The following PHACTR2 variants were observed in gnomAD, a reference collection of about 807,000 sequenced individuals.
PHACTR2 encodes the protein phosphatase and actin regulator 2.
PHACTR2 carries 30 observed loss-of-function variants against 76.0 expected under a neutral mutation model. That is an observed-to-expected ratio of 0.39 (90% CI 0.30 to 0.54). The LOEUF (loss-of-function observed/expected upper bound fraction) is 0.54. PHACTR2 is among the 20% of genes least tolerant of loss of function. The pLI, the probability that PHACTR2 is intolerant of heterozygous loss-of-function variation, is 0.61. For missense variants in PHACTR2, 696 were observed against 781.1 expected, an observed-to-expected ratio of 0.89 and a Z score of 1.30; for synonymous variants, 292 against 292.5, an observed-to-expected ratio of 1.00 and a Z score of 0.02.
chr6:143,673,119 C>T (rs1777185403), upstream of PHACTR2, among the ~76,000 whole-genome samples: 1 of 152,186 alleles, frequency 6.6e-6, no homozygotes, highest in Non-Finnish European at 1.5e-5. Flanking sequence ...ACCTCCGCCA[C>T]AGGAGAGTCC....
chr6:143,679,108 A>G lies in PHACTR2; in HGVS notation c.46+899A>G, dbSNP rs1562267296. ...TTTGATACACTTTTTAAATTGTGCAAACATCAACAGGATCTTGCTGAAAGG... is the reference window on the plus strand; with the variant it reads ...TTTGATACACTTTTTAAATTGTGCAGACATCAACAGGATCTTGCTGAAAGG... On this transcript the variant is annotated intron_variant, in intron 1 of 12. Coordinates refer to ENST00000440869, the MANE Select transcript of PHACTR2 (RefSeq NM_001100164.2). The surrounding 1 kb of genome is among the most constrained non-coding windows in gnomAD (Gnocchi z 4.6). 2.0e-5 allele frequency among the ~76,000 whole-genome samples: 3 copies of G among 152,206 alleles called. No homozygotes were observed. The highest frequency in any genetic ancestry group is 4.4e-5 in the Non-Finnish European group (3 of 68,046).
At position 143,623,332 on chromosome 6, in the gene PHACTR2, A is replaced by G. The variant is rs1413131492; in HGVS notation, c.13+15010A>G. Among the ~76,000 whole-genome samples the G allele has an allele frequency of 6.6e-6, 1 of 152,122 alleles. No individual in the cohort carries two copies. Among genetic ancestry groups the G allele is most frequent in the East Asian group, 1.9e-4 (1 of 5,190 alleles). On this transcript the variant is annotated intron_variant, in intron 1 of 11. Transcript: ENST00000305766. This position sits in a 1 kb window ranked among gnomAD's most constrained non-coding sequence, Gnocchi z 5.9. ...AAAAAAATGTCATCATAATACCCAA[A>G]TGAAGGCCCAGGTGAGCAGATCACT...
At chr6:143,759,982 G>A in intron 4 of PHACTR2, among the ~76,000 whole-genome samples, 1 of 152,134 alleles carries the variant, frequency 6.6e-6, no homozygotes, top group African/African-American at 2.4e-5. Context: ...CCCCACAGCA[G>A]TGACTGTAAC....
At chr6:143,630,162 ATAAATG>A (rs1421206637) in intron 1 of PHACTR2, among the ~76,000 whole-genome samples, 1 of 150,956 alleles carries the variant, frequency 6.6e-6, no homozygotes, top group Non-Finnish European at 1.5e-5. Flanking sequence ...TAATATTAAG[ATAAATG>A]TTTATAAATA....
intron 2 of PHACTR2, among the ~76,000 whole-genome samples, chr6:143,746,983 A>G (rs1416552552): frequency 1.3e-5 from 2 of 152,280 alleles, no homozygotes; most frequent in East Asian, 3.9e-4. Flanking sequence ...CCTTCTGTGT[A>G]TGTCTCCTTT....
In PHACTR2 at chr6:143,679,259, C is replaced by A. The variant is rs1381845913; in HGVS notation, c.46+1050C>A. Reference sequence around the variant, plus strand: ...GGTTTCTTTAGGTAGCACAGCTTCACTCCCTGAGATACCACAAGCTTTGCT... The same window carrying A: ...GGTTTCTTTAGGTAGCACAGCTTCAATCCCTGAGATACCACAAGCTTTGCT... On this transcript the variant is annotated intron_variant, in intron 1 of 12. Transcript: ENST00000440869. The surrounding 1 kb of genome is among the most constrained non-coding windows in gnomAD (Gnocchi z 4.6). Among the ~76,000 whole-genome samples, 1 of 152,206 alleles carries A rather than the reference C, an allele frequency of 6.6e-6. No homozygotes were observed. The highest frequency in any genetic ancestry group is 2.4e-5 in the African/African-American group (1 of 41,450).
chr6:143,734,882 C>A (rs1376326878), intron 2 of PHACTR2, among the ~76,000 whole-genome samples: 3 of 152,138 alleles, frequency 2.0e-5, no homozygotes, highest in South Asian at 2.1e-4. Context: ...GCCCTTCTGG[C>A]CTGGGTCAGA....
At chr6:143,770,649 T>C (rs1371668032) in intron 6 of PHACTR2, among the ~76,000 whole-genome samples, 1 of 152,210 alleles carries the variant, frequency 6.6e-6, no homozygotes, top group South Asian at 2.1e-4. Context: ...AGTAGGGTTT[T>C]AAATACCTCA....
At chr6:143,566,725 T>C (rs1775368461) in intron 1 of PHACTR2, among the ~76,000 whole-genome samples, 1 of 151,822 alleles carries the variant, frequency 6.6e-6, no homozygotes, top group Non-Finnish European at 1.5e-5. Flanking sequence ...CTCATGCCTA[T>C]CTGCTTGCCT....
rs747783300 is a variant in PHACTR2 at position 143,539,576 on chromosome 6, C to T, written c.217+2369C>T. On this transcript the variant is annotated intron_variant, in intron 1 of 11. Transcript: ENST00000367584. The surrounding 1 kb of genome is among the most constrained non-coding windows in gnomAD (Gnocchi z 4.3). ...TCAGAGGCACAATAAGAGGGTTACACGCCTTGTAAAAACATTCCTTGGCCT... is the reference window on the plus strand; with the variant it reads ...TCAGAGGCACAATAAGAGGGTTACATGCCTTGTAAAAACATTCCTTGGCCT... 6.6e-5 allele frequency among the ~76,000 whole-genome samples: 10 copies of T among 152,188 alleles called. No individual in the cohort carries two copies. The highest frequency in any genetic ancestry group is 3.8e-4 in the East Asian group (2 of 5,196).
rs1775698892 is a variant in PHACTR2, at chr6:143,592,148, T to C, written c.217+54941T>C. ...TGTTCCAGATCATTATGAAGGTGTA[T>C]TGGTTAAGGCTGGAGGATAGAACAT... On this transcript the variant is annotated intron_variant, in intron 1 of 11. Coordinates refer to the PHACTR2 transcript ENST00000367584. This position sits in a 1 kb window ranked among gnomAD's most constrained non-coding sequence, Gnocchi z 4.0. Among the ~76,000 whole-genome samples, 1 of 152,192 alleles carries C rather than the reference T, an allele frequency of 6.6e-6. No individual in the cohort carries two copies. The highest frequency in any genetic ancestry group is 2.4e-5 in the African/African-American group (1 of 41,438).
At chr6:143,781,555 TATC>T (rs1481129116) in intron 9 of PHACTR2, among the ~76,000 whole-genome samples, 1 of 152,236 alleles carries the variant, frequency 6.6e-6, no homozygotes, top group African/African-American at 2.4e-5. Context: ...TCACTAACAA[TATC>T]ATCACTTTTT....
intron 10 of PHACTR2, among the ~76,000 whole-genome samples, chr6:143,785,970 C>T (rs1775547680): frequency 6.6e-6 from 1 of 152,162 alleles, no homozygotes. Context: ...TCTGACATGG[C>T]CTGGAGACAT....
At chr6:143,584,344 C>T (rs1308462451) in intron 1 of PHACTR2, among the ~76,000 whole-genome samples, 1 of 152,160 alleles carries the variant, frequency 6.6e-6, no homozygotes, top group African/African-American at 2.4e-5. Flanking sequence ...ATCCTGAGTC[C>T]CTCCACTGTA....
chr6:143,665,375 T>C (rs1343306883), intron 1 of PHACTR2, among the ~76,000 whole-genome samples: 3 of 152,214 alleles, frequency 2.0e-5, no homozygotes, highest in Non-Finnish European at 4.4e-5. Flanking sequence ...AGGTATACAT[T>C]GATTTGTTCT....
chr6:143,682,327 C>T (rs1777410007), intron 1 of PHACTR2, among the ~76,000 whole-genome samples: 1 of 152,228 alleles, frequency 6.6e-6, no homozygotes, highest in African/African-American at 2.4e-5. Context: ...AAGCGATCCT[C>T]CAACCTCAGC....
rs1297909276 is a variant in PHACTR2 at position 143,774,539 on chromosome 6, A to G, written c.1589+324A>G. ...GCGCTGCTGTAGCATAAAAGCAGCC[A>G]TAAATAATAGATAAACAAATGAGTG... On this transcript the variant is annotated intron_variant, in intron 8 of 12. Coordinates refer to ENST00000440869, the MANE Select transcript of PHACTR2 (RefSeq NM_001100164.2). The surrounding 1 kb of genome is among the most constrained non-coding windows in gnomAD (Gnocchi z 5.4). 6.6e-6 allele frequency among the ~76,000 whole-genome samples: 1 copy of G among 152,218 alleles called. No individual in the cohort carries two copies. The highest frequency in any genetic ancestry group is 2.4e-5 in the African/African-American group (1 of 41,456).
intron 2 of PHACTR2, among the ~76,000 whole-genome samples, chr6:143,716,598 T>G (rs1321652692): frequency 6.6e-6 from 1 of 152,174 alleles, no homozygotes; most frequent in African/African-American, 2.4e-5. Context: ...CTCAGCTTAC[T>G]GAAGTGCTGA....
chr6:143,607,771 A>G (rs553879454), upstream of PHACTR2, among the ~76,000 whole-genome samples: 21 of 152,302 alleles, frequency 1.4e-4, no homozygotes, highest in Admixed American at 1.3e-4. Flanking sequence ...CAACAACCAA[A>G]ACACTTTAAA....
Sources: gnomAD v4.1 joint callset for allele counts (sites outside exome capture counted in the v4.1 genomes callset) on GRCh38, gnomAD v4.1.1 for gene constraint, Gnocchi (gnomAD v3.1) non-coding constraint, MANE v1.5 for transcripts, NCBI Gene and HGNC (gene_info 2026-07-23, HGNC 2026-07-21) for gene names.